The following NEDD9 variants were observed in gnomAD, a reference collection of about 807,000 sequenced individuals.
The protein encoded by NEDD9 is neural precursor cell expressed, developmentally down-regulated 9.
NEDD9 carries 26 observed loss-of-function variants against 76.6 expected under a neutral mutation model. That is an observed-to-expected ratio of 0.34 (90% confidence interval 0.25 to 0.47). The LOEUF is 0.47. NEDD9 is among the 20% of genes least tolerant of loss of function. The pLI, the probability that NEDD9 is intolerant of heterozygous loss-of-function variation, is 1.00. For synonymous variants in NEDD9, 392 were observed against 414.2 expected (o/e 0.95, Z 0.65); for missense variants, 937 against 1,058.5 (o/e 0.89, Z 1.59).
chr6:11,223,612 T>C (rs1388887978), intron 1 of NEDD9, among the ~76,000 whole-genome samples: 1 of 152,068 alleles, frequency 6.6e-6, no homozygotes, highest in African/African-American at 2.4e-5. Flanking sequence ...CTAAGCTGAG[T>C]CTGTAATTAA....
At chr6:11,357,653 C>T (rs1312245962) in intron 1 of NEDD9, among the ~76,000 whole-genome samples, 3 of 152,192 alleles carry the variant, frequency 2.0e-5, no homozygotes, top group Non-Finnish European at 4.4e-5. Context: ...AAAAGATTCA[C>T]TCTCTTTTCA....
At chr6:11,306,002 A>G (rs1761175712) in exon 3 of NEDD9, 2 of 1,613,832 alleles carry the variant, frequency 1.2e-6, no homozygotes, top group African/African-American at 1.3e-5. Context: ...CCTTGTCCAC[A>G]TTTTGCCCCA....
intron 1 of NEDD9, among the ~76,000 whole-genome samples, chr6:11,351,106 A>T (rs1762460058): frequency 6.6e-6 from 1 of 152,098 alleles, no homozygotes; most frequent in African/African-American, 2.4e-5. Context: ...CTGGCAAGAG[A>T]TTCACAGGTG....
At chr6:11,275,565 C>CACACACACACACATATATATATAT (rs551632582) in intron 3 of NEDD9, among the ~76,000 whole-genome samples, 11 of 150,182 alleles carry the variant, frequency 7.3e-5, no homozygotes, top group African/African-American at 2.2e-4. Flanking sequence ...CACACACACA[C>CACACACACACACATATATATATAT]ATATATATAT....
chr6:11,187,563 G>C (rs151095321), intron 6 of NEDD9, among the ~76,000 whole-genome samples: 1 of 152,304 alleles, frequency 6.6e-6, no homozygotes, highest in East Asian at 1.9e-4. Flanking sequence ...GAGAGAGAGA[G>C]AGAAAGAGAA....
At chr6:11,290,733 T>G (rs895061551) in intron 3 of NEDD9, among the ~76,000 whole-genome samples, 5 of 152,202 alleles carry the variant, frequency 3.3e-5, no homozygotes, top group African/African-American at 1.2e-4. Context: ...TGCGCTGGGC[T>G]GTCACTGACT....
In NEDD9 at chr6:11,213,683, G is replaced by A. The variant is rs879488956; in HGVS notation, c.57C>T (p.Ala19=). ...RALYDNVPEC[A]EELAFRKGDI... ...CTCCCTTGCGAAAGGCCAGTTCCTC[G>A]GCACACTCTGGGACATTGTCATATA... The change falls in exon 2 of 7, where the codon GCC becomes GCT. Residue 19 remains alanine (A), a synonymous_variant. Transcript: ENST00000379446. This position sits in a 1 kb window ranked among gnomAD's most constrained non-coding sequence, Gnocchi z 5.4. The A allele has an allele frequency of 1.7e-5, 28 of 1,614,070 alleles. No homozygotes were observed. Among genetic ancestry groups the A allele is most frequent in the East Asian group, 1.1e-4 (5 of 44,882 alleles).
At chr6:11,341,107 G>A (rs1331219399) in intron 1 of NEDD9, among the ~76,000 whole-genome samples, 5 of 152,184 alleles carry the variant, frequency 3.3e-5, no homozygotes, top group African/African-American at 4.8e-5. Flanking sequence ...ATGACCTGAA[G>A]GGACACTTCT....
intron 1 of NEDD9, among the ~76,000 whole-genome samples, chr6:11,335,013 C>T (rs887660942): frequency 2.0e-5 from 3 of 152,128 alleles, no homozygotes; most frequent in Non-Finnish European, 2.9e-5. Context: ...TACAACTACA[C>T]GAGAAGTTGC....
At position 11,232,603 on chromosome 6, in the gene NEDD9, C is replaced by T; in HGVS notation, c.-88G>A. 1 of 1,609,214 alleles carries T rather than the reference C, an allele frequency of 6.2e-7. No homozygotes were observed. The highest frequency in any genetic ancestry group is 1.1e-5 in the South Asian group (1 of 90,932). ...GCCCGCCCCTCCATTGAGTGCAGCGCTAGATGAAAGCGAGAAGGTCCCGGG... is the reference window on the plus strand; with the variant it reads ...GCCCGCCCCTCCATTGAGTGCAGCGTTAGATGAAAGCGAGAAGGTCCCGGG... On this transcript the variant is annotated 5_prime_UTR_variant, in exon 1 of 7. Transcript: ENST00000379446.
chr6:11,364,517 T>C (rs1391884532), intron 1 of NEDD9, among the ~76,000 whole-genome samples: 3 of 152,110 alleles, frequency 2.0e-5, no homozygotes, highest in African/African-American at 7.2e-5. Flanking sequence ...ATGGAGAGGT[T>C]AAGTAACTAT....
chr6:11,250,703 A>C (rs1266030792), intron 3 of NEDD9, among the ~76,000 whole-genome samples: 1 of 152,170 alleles, frequency 6.6e-6, no homozygotes, highest in African/African-American at 2.4e-5. Flanking sequence ...GGGATAAAGG[A>C]GCTGGAAATG....
chr6:11,331,712 C>T (rs1429914843), intron 2 of NEDD9, among the ~76,000 whole-genome samples: 1 of 152,200 alleles, frequency 6.6e-6, no homozygotes, highest in Admixed American at 6.5e-5. Context: ...GATCATGAAT[C>T]TTTGGGTTTA....
At chr6:11,279,455 C>G (rs1436770543) in intron 3 of NEDD9, among the ~76,000 whole-genome samples, 1 of 152,222 alleles carries the variant, frequency 6.6e-6, no homozygotes, top group South Asian at 2.1e-4. Context: ...TCCGCGGCAC[C>G]GGGAAAAGCG....
chr6:11,302,745 A>G (rs966780892), intron 3 of NEDD9, among the ~76,000 whole-genome samples: 2 of 152,212 alleles, frequency 1.3e-5, no homozygotes, highest in Non-Finnish European at 2.9e-5. Context: ...CATCACATAA[A>G]CAGAACCAAT....
At chr6:11,279,231 AATGAGGAATTGCTGCAGG>A (rs1760479920) in intron 3 of NEDD9, among the ~76,000 whole-genome samples, 1 of 152,222 alleles carries the variant, frequency 6.6e-6, no homozygotes, top group African/African-American at 2.4e-5. Flanking sequence ...ATGCCAAATA[AATGAGGAATTGCTGCAGG>A]ACTGCAGATG....
intron 2 of NEDD9, among the ~76,000 whole-genome samples, chr6:11,318,358 A>G (rs1761640721): frequency 6.6e-6 from 1 of 152,066 alleles, no homozygotes; most frequent in South Asian, 2.1e-4. Flanking sequence ...GAAAAGAAGG[A>G]AGGAAGGAGG....
At chr6:11,369,892 A>G (rs1355818506) in intron 1 of NEDD9, among the ~76,000 whole-genome samples, 1 of 152,208 alleles carries the variant, frequency 6.6e-6, no homozygotes, top group African/African-American at 2.4e-5. Context: ...TCATGTTTTC[A>G]ATATCATGCT....
At chr6:11,354,349 C>G (rs898566114) in intron 1 of NEDD9, among the ~76,000 whole-genome samples, 4 of 152,104 alleles carry the variant, frequency 2.6e-5, no homozygotes, top group Non-Finnish European at 5.9e-5. Context: ...ATTTGGGAGC[C>G]CAGCAAAGGG....
Sources: allele counts gnomAD v4.1 joint callset (sites outside exome capture counted in the v4.1 genomes callset), GRCh38; gene constraint gnomAD v4.1.1; non-coding constraint Gnocchi (gnomAD v3.1); transcripts MANE v1.5; gene names NCBI Gene and HGNC (gene_info 2026-07-23, HGNC 2026-07-21).